ARL10: variants seen among roughly 807,000 people sequenced by gnomAD.
ARL10 encodes the protein ARF like GTPase 10.
ARL10 carries 23 observed loss-of-function variants against 26.1 expected under a neutral mutation model. The observed-to-expected ratio is 0.88, with a 90% CI of 0.63 to 1.25. The LOEUF (loss-of-function observed/expected upper bound fraction) is 1.25. Among genes scored for constraint, ARL10 ranks in the 50% most tolerant of loss-of-function variants. ARL10 has a pLI of 0.00. For missense variants in ARL10, 300 were observed against 323.6 expected (o/e 0.93, Z 0.56); for synonymous variants, 138 against 149.1 (o/e 0.93, Z 0.54).
At position 176,372,675 on chromosome 5, in the gene ARL10, G is replaced by T; in HGVS notation, c.*780G>T. ...TTTTTCCCCTCTAATCTGGAGACAA[G>T]CTGCTGCTCTCGTACTAACTGTGCC... is the stretch of plus-strand genomic sequence containing the variant. On this transcript the variant is annotated 3_prime_UTR_variant, in exon 4 of 4. Coordinates refer to ENST00000310389, the MANE Select transcript of ARL10 (RefSeq NM_173664.6). 2.6e-6 allele frequency: 1 copy of T among 380,894 alleles called. No individual in the cohort carries two copies. 23.6% of individuals were successfully genotyped at this position (380,894 alleles called of 1,614,324 possible). A position where few individuals can be genotyped will look rare whatever the true frequency, so the allele number is the denominator to read the frequency against.
downstream of ARL10, chr5:176,406,651 C>T (rs769735505): frequency 1.0e-5 from 13 of 1,289,240 alleles, no homozygotes; most frequent in South Asian, 4.9e-5. Context: ...TGGGCAGGCT[C>T]GTCCTTAGGC....
downstream of ARL10, among the ~76,000 whole-genome samples, chr5:176,392,190 C>T (rs965833405): frequency 2.6e-5 from 4 of 152,212 alleles, no homozygotes; most frequent in African/African-American, 9.6e-5. This position sits in a 1 kb window ranked among gnomAD's most constrained non-coding sequence, Gnocchi z 5.2. Flanking sequence ...GCTTTTCCCT[C>T]CCACTACAAG....
chr5:176,401,337 A>C (rs1756805685), intron 1 of ARL10, among the ~76,000 whole-genome samples: 1 of 152,172 alleles, frequency 6.6e-6, no homozygotes, highest in Non-Finnish European at 1.5e-5. Context: ...GAGGTCAGAG[A>C]AGTTGGAAAT....
the ARL10 span, among the ~76,000 whole-genome samples, chr5:176,414,432 CTTTT>C: frequency 3.7e-5 from 5 of 134,690 alleles, no homozygotes; most frequent in African/African-American, 8.5e-5. Flanking sequence ...GCTATAGAAT[CTTTT>C]TTTTTTTTTT....
At chr5:176,389,418 C>A (rs768600676), downstream of ARL10, 15 of 1,614,080 alleles carry the variant, frequency 9.3e-6, no homozygotes. Context: ...ATGATGCGCA[C>A]CCGGATCGCC....
downstream of ARL10, chr5:176,386,873 T>C (rs1227260064): frequency 6.2e-7 from 1 of 1,614,056 alleles, no homozygotes; most frequent in Non-Finnish European, 8.5e-7. Flanking sequence ...ACAAGCTCTT[T>C]AGGCCTCTCC....
At position 176,373,133 on chromosome 5, in the gene ARL10, TA is replaced by T. The variant is rs1768596488; in HGVS notation, c.*1243del. ...AGGATTTCCCTTATGTGAATCTAGG[TA>T]AAAAGATGGAAAAAAATTGTATTAT... On this transcript the variant is annotated 3_prime_UTR_variant, in exon 4 of 4. Coordinates refer to ENST00000310389, the MANE Select transcript of ARL10 (RefSeq NM_173664.6). The T allele has an allele frequency of 2.5e-6, 1 of 398,092 alleles. No individual in the cohort carries two copies. The highest frequency in any genetic ancestry group is 2.1e-5 in the African/African-American group (1 of 48,576). 24.7% of individuals were successfully genotyped at this position (398,092 alleles called of 1,614,324 possible).
Position 176,371,771 on chromosome 5 carries a change from T to C in ARL10, c.611T>C (p.Leu204Pro). ...GGGGAGCTGCAGCGGGAGCTGGGTC[T>C]ACAGGCTATCGATAACCAGCGGGAG... is the stretch of plus-strand genomic sequence containing the variant. ...SMGELQRELG[L>P]QAIDNQREVF... Residue 204 changes from leucine to proline, a missense_variant, in exon 4 of 4, where the codon CTA becomes CCA. Coordinates refer to ENST00000310389, the MANE Select transcript of ARL10 (RefSeq NM_173664.6). 6.2e-7 allele frequency: 1 copy of C among 1,614,240 alleles called. No homozygotes were observed. The highest frequency in any genetic ancestry group is 8.5e-7 in the Non-Finnish European group (1 of 1,180,048).
downstream of ARL10, among the ~76,000 whole-genome samples, chr5:176,403,457 G>GTT (rs149404509): frequency 2.0e-5 from 3 of 147,660 alleles, no homozygotes; most frequent in South Asian, 6.4e-4. Context: ...TTTTTGTTTT[G>GTT]TTTTTTTTCT....
rs772676232 is a variant in ARL10, at chr5:176,369,007, G to A, written c.561+25G>A. ...GGTGAGGGCTGTGAGAGGGCAGCTCGGTCCAGGTGACATCCACTCAGAGAT... is the reference window on the plus strand; with the variant it reads ...GGTGAGGGCTGTGAGAGGGCAGCTCAGTCCAGGTGACATCCACTCAGAGAT... On this transcript the variant is annotated intron_variant, in intron 3 of 3. Transcript: ENST00000310389. 9.9e-6 allele frequency: 16 copies of A among 1,611,766 alleles called. No homozygotes were observed. The Admixed American group carries it at 2.0e-4, about 20-fold the overall frequency.
downstream of ARL10, chr5:176,385,345 G>A (rs1279386452): frequency 6.3e-6 from 9 of 1,417,346 alleles, no homozygotes; most frequent in South Asian, 8.0e-5. Flanking sequence ...GATGAGAGAA[G>A]CGGGGAGACA....
exon 2 of ARL10, chr5:176,401,778 G>C (rs561180425): frequency 1.2e-4 from 55 of 455,940 alleles, no homozygotes; most frequent in Non-Finnish European, 2.0e-4. Context: ...ACAATTTCCC[G>C]AGGGTGCTGA....
At chr5:176,392,957 G>A, downstream of ARL10, 1 of 1,614,002 alleles carries the variant, frequency 6.2e-7, no homozygotes, top group Non-Finnish European at 8.5e-7. The surrounding 1 kb of genome is among the most constrained non-coding windows in gnomAD (Gnocchi z 5.2). Flanking sequence ...TGCGGGTGGA[G>A]ATAGGACGGG....
chr5:176,388,552 C>G (rs763306414), exon 2 of ARL10: 3 of 1,601,934 alleles, frequency 1.9e-6, no homozygotes, highest in Non-Finnish European at 1.7e-6. Flanking sequence ...CGCTGACCAC[C>G]GCACCAGCAG....
chr5:176,390,267 T>C (rs1482514272), downstream of ARL10, among the ~76,000 whole-genome samples: 1 of 146,402 alleles, frequency 6.8e-6, no homozygotes, highest in Admixed American at 7.0e-5. Context: ...ATTTGAAAAA[T>C]ACTGGTCTAG....
chr5:176,367,904 G>A, intron 2 of ARL10: 1 of 530,840 alleles, frequency 1.9e-6, no homozygotes, highest in South Asian at 1.4e-5. Flanking sequence ...GAGCTCCTTG[G>A]TGCAGGGCCC....
chr5:176,371,247 C>CGT lies in ARL10; in HGVS notation c.562-475_562-474insGT, dbSNP rs1554123832. On this transcript the variant is annotated intron_variant, in intron 3 of 3. Coordinates refer to ENST00000310389, the MANE Select transcript of ARL10 (RefSeq NM_173664.6). ...AAAATTAGCCAGGCGTGGTGGCTCA[C>CGT]ACCTGTAGTCCCAGCTACTAGGGAG... Among the ~76,000 whole-genome samples the CGT allele has an allele frequency of 2.4e-4, 36 of 151,644 alleles. 1 individual carries two copies. The highest frequency in any genetic ancestry group is 3.0e-5 in the Non-Finnish European group (2 of 67,656).
chr5:176,389,657 C>T (rs1032364736), downstream of ARL10: 21 of 687,244 alleles, frequency 3.1e-5, no homozygotes, highest in Non-Finnish European at 4.2e-5. Context: ...AAAGTTTTTT[C>T]AAAAATCCTA....
exon 2 of ARL10, chr5:176,388,608 C>T: frequency 6.8e-7 from 1 of 1,462,890 alleles, no homozygotes; most frequent in Non-Finnish European, 9.5e-7. Flanking sequence ...TAACAAACTC[C>T]TTCCGGAAGG....
Sources: gnomAD v4.1 joint callset for allele counts (sites outside exome capture counted in the v4.1 genomes callset) on GRCh38, gnomAD v4.1.1 for gene constraint, Gnocchi (gnomAD v3.1) non-coding constraint, MANE v1.5 for transcripts, NCBI Gene and HGNC (gene_info 2026-07-23, HGNC 2026-07-21) for gene names.